Variants in CASZ1 observed in about 807,000 individuals in gnomAD.
The protein encoded by CASZ1 is zinc finger protein castor homolog 1.
CASZ1 carries 28 observed loss-of-function variants against 135.2 expected under a neutral mutation model. That is an observed-to-expected ratio of 0.21 (90% CI 0.15 to 0.28). CASZ1 has a LOEUF of 0.28. CASZ1 is among the 10% of genes least tolerant of loss of function. The pLI, the probability that CASZ1 is intolerant of heterozygous loss-of-function variation, is 1.00. For missense variants in CASZ1, 2,161 were observed against 2,453.3 expected, an observed-to-expected ratio of 0.88 and a Z score of 2.52; for synonymous variants, 1,068 against 1,073.4, an observed-to-expected ratio of 0.99 and a Z score of 0.10.
At chr1:10,783,055 C>A (rs369542644) in intron 1 of CASZ1, among the ~76,000 whole-genome samples, 6 of 152,160 alleles carry the variant, frequency 3.9e-5, no homozygotes, top group Admixed American at 2.6e-4. Flanking sequence ...ATGCAGGGGA[C>A]TTTTCAGCTT....
chr1:10,685,350 C>A (rs1638551920), intron 4 of CASZ1, among the ~76,000 whole-genome samples: 3 of 152,202 alleles, frequency 2.0e-5, no homozygotes, highest in African/African-American at 7.2e-5. Context: ...CCCCATGAAC[C>A]CGCTGGTGAC....
rs544583994 is a variant in CASZ1, at chr1:10,667,575, G to A, written c.17-2004C>T. On this transcript the variant is annotated intron_variant, in intron 4 of 20. Coordinates refer to ENST00000377022, the MANE Select transcript of CASZ1 (RefSeq NM_001079843.3). ...CTGCCCAGCAGGTTCTGTGACGCCGGGTGTCCTCCAACAGGCCTCCGGGGA... is the reference window on the plus strand; with the variant it reads ...CTGCCCAGCAGGTTCTGTGACGCCGAGTGTCCTCCAACAGGCCTCCGGGGA... 7.2e-5 allele frequency among the ~76,000 whole-genome samples: 11 copies of A among 152,298 alleles called. 2 individuals carry two copies. The highest frequency in any genetic ancestry group is 2.6e-4 in the African/African-American group (11 of 41,566).
At chr1:10,736,460 C>T (rs769851794) in intron 2 of CASZ1, among the ~76,000 whole-genome samples, 4 of 152,174 alleles carry the variant, frequency 2.6e-5, no homozygotes, top group African/African-American at 4.8e-5. Context: ...TGGATGGAGC[C>T]GGGCTTGTTG....
chr1:10,658,289 G>A (rs991962340), intron 7 of CASZ1: 6 of 547,542 alleles, frequency 1.1e-5, no homozygotes, highest in African/African-American at 5.7e-5. Context: ...ACAGGCTGCT[G>A]AGGGAATGTG....
intron 6 of CASZ1, 116 bp downstream of exon 6, chr1:10,659,586 G>T (rs1388443549): frequency 2.6e-6 from 2 of 776,872 alleles, no homozygotes; most frequent in Non-Finnish European, 4.4e-6. Context: ...CAGTGGATGT[G>T]TATAAGGTGT....
rs936056611 is a variant in CASZ1, at chr1:10,711,305, A to G, written c.-76-5761T>C. On this transcript the variant is annotated intron_variant, in intron 2 of 20. Coordinates refer to ENST00000377022, the MANE Select transcript of CASZ1 (RefSeq NM_001079843.3). The surrounding 1 kb of genome is among the most constrained non-coding windows in gnomAD (Gnocchi z 4.4). The stretch of plus-strand genomic sequence containing the variant: ...GCCCATGAGTACCTAGCTCAAAGGA[A>G]GTTCATTCAGTATTTCTTGGGCACC... Among the ~76,000 whole-genome samples the G allele has an allele frequency of 6.6e-6, 1 of 152,202 alleles. No individual in the cohort carries two copies. The highest frequency in any genetic ancestry group is 2.4e-5 in the African/African-American group (1 of 41,446).
chr1:10,733,651 G>A (rs1639743600), intron 2 of CASZ1, among the ~76,000 whole-genome samples: 1 of 152,320 alleles, frequency 6.6e-6, no homozygotes, highest in South Asian at 2.1e-4. Context: ...GCCCAACTCA[G>A]TCTCCACTAA....
At chr1:10,642,483 G>T (rs1642236681) in intron 20 of CASZ1, among the ~76,000 whole-genome samples, 1 of 152,114 alleles carries the variant, frequency 6.6e-6, no homozygotes, top group African/African-American at 2.4e-5. Flanking sequence ...AGAAGAAGGG[G>T]CAGGAGGAGA....
chr1:10,716,119 A>C (rs1442270776), intron 2 of CASZ1, among the ~76,000 whole-genome samples: 2 of 86,650 alleles, frequency 2.3e-5, no homozygotes, highest in African/African-American at 4.6e-5. Context: ...CCCAATCCAC[A>C]CCCCACAGCA....
chr1:10,761,486 G>A (rs1640373594), intron 1 of CASZ1, among the ~76,000 whole-genome samples: 1 of 152,186 alleles, frequency 6.6e-6, no homozygotes. Flanking sequence ...AGAAAAGAGG[G>A]TGTGGGCCCT....
chr1:10,789,363 C>T (rs992853888), intron 1 of CASZ1, among the ~76,000 whole-genome samples: 3 of 150,726 alleles, frequency 2.0e-5, no homozygotes, highest in African/African-American at 7.3e-5. Context: ...CTCTGCCTGC[C>T]CCCCGCACCC....
chr1:10,702,073 G>A lies in CASZ1; in HGVS notation c.-24+3419C>T, dbSNP rs1298394202. Among the ~76,000 whole-genome samples the A allele has an allele frequency of 7.2e-5, 11 of 152,296 alleles. No homozygotes were observed. In the East Asian group the frequency reaches 7.7e-4, roughly 11 times the overall value. ...AGATGGGAAATAGAGACTCCGAGACGTCCCCTACCAAGCACTCGAATCACA... is the reference window on the plus strand; with the variant it reads ...AGATGGGAAATAGAGACTCCGAGACATCCCCTACCAAGCACTCGAATCACA... On this transcript the variant is annotated intron_variant, in intron 3 of 20. Coordinates refer to ENST00000377022, the MANE Select transcript of CASZ1 (RefSeq NM_001079843.3).
At chr1:10,732,320 CAAAA>C (rs779997881) in intron 2 of CASZ1, among the ~76,000 whole-genome samples, 2 of 65,552 alleles carry the variant, frequency 3.1e-5, no homozygotes. Flanking sequence ...GACTCCGTCT[CAAAA>C]AAAAAAAAAA....
intron 2 of CASZ1, among the ~76,000 whole-genome samples, chr1:10,748,114 G>A (rs761498513): frequency 1.8e-4 from 28 of 152,188 alleles, no homozygotes; most frequent in South Asian, 4.2e-4. Flanking sequence ...CACTGCGCCC[G>A]GCCATGTGCT....
At position 10,647,867 on chromosome 1, in the gene CASZ1, A is replaced by G; in HGVS notation, c.3431T>C (p.Leu1144Ser). 6.2e-7 allele frequency: 1 copy of G among 1,613,892 alleles called. No individual in the cohort carries two copies. Among genetic ancestry groups the G allele is most frequent in the Non-Finnish European group, 8.5e-7 (1 of 1,179,994 alleles). The part of the protein sequence containing the change: ...ASVPHLPASP[L>S]ATTSLENAKP... ...GGCGTTCTCTAGAGAAGTCGTTGCC[A>G]AGGGCGAGGCGGGCAGGTGAGGCAC... Residue 1144 changes from leucine (L) to serine (S), a missense_variant, in exon 16 of 21, where the codon TTG becomes TCG. Physicochemically the swap from Leu to Ser is moderately radical, Grantham distance 145. This residue lies in a region of CASZ1 where 349 missense variants were observed against 460.8 expected (regional missense o/e 0.76). Transcript: ENST00000377022. This position sits in a 1 kb window ranked among gnomAD's most constrained non-coding sequence, Gnocchi z 4.9.
chr1:10,641,655 C>T (rs1412842329), intron 20 of CASZ1, among the ~76,000 whole-genome samples: 1 of 152,220 alleles, frequency 6.6e-6, no homozygotes, highest in African/African-American at 2.4e-5. Flanking sequence ...TCTATCTCTC[C>T]CTAGTGCCAG....
chr1:10,771,647 T>C (rs1476633525), intron 1 of CASZ1, among the ~76,000 whole-genome samples: 3 of 140,458 alleles, frequency 2.1e-5, no homozygotes, highest in African/African-American at 7.9e-5. Flanking sequence ...AATGAATTAA[T>C]TTCACCTCTT....
At position 10,767,097 on chromosome 1, in the gene CASZ1, T is replaced by C. The variant is rs183361417; in HGVS notation, c.-233-6240A>G. On this transcript the variant is annotated intron_variant, in intron 1 of 20. Transcript: ENST00000377022. The surrounding 1 kb of genome is among the most constrained non-coding windows in gnomAD (Gnocchi z 4.2). The stretch of plus-strand genomic sequence containing the variant: ...ATCCTCTGCGCCCGTTGACTGCTGA[T>C]GGAAGGAACGAGGAGTGGGGAAAAG... 2.0e-5 allele frequency among the ~76,000 whole-genome samples: 3 copies of C among 152,296 alleles called. No individual in the cohort carries two copies. The highest frequency in any genetic ancestry group is 6.5e-5 in the Admixed American group (1 of 15,306).
Position 10,665,520 on chromosome 1 carries a change from G to A in CASZ1, c.68C>T (p.Pro23Leu). 1.9e-6 allele frequency: 3 copies of A among 1,598,240 alleles called. No individual in the cohort carries two copies. Among genetic ancestry groups the A allele is most frequent in the Non-Finnish European group, 2.5e-6 (3 of 1,177,238 alleles). The part of the protein sequence containing the change: ...DPPAGKPAMA[P>L]KRKGGLKLNA... ...CAGCTTCAGGCCACCCTTGCGTTTGGGCGCCATGGCGGGCTTGCCTGCAGG... is the reference window on the plus strand; with the variant it reads ...CAGCTTCAGGCCACCCTTGCGTTTGAGCGCCATGGCGGGCTTGCCTGCAGG... The change falls in exon 5 of 21, where the codon CCC becomes CTC. Residue 23 changes from proline to leucine, a missense_variant. Physicochemically the swap from Pro to Leu is moderately conservative, Grantham distance 98. Transcript: ENST00000377022.
Sources: gnomAD v4.1 joint callset for allele counts (sites outside exome capture counted in the v4.1 genomes callset) on GRCh38, gnomAD v4.1.1 for gene constraint, gnomAD v4.1.1 regional missense constraint, Gnocchi (gnomAD v3.1) non-coding constraint, MANE v1.5 for transcripts, NCBI Gene and HGNC (gene_info 2026-07-23, HGNC 2026-07-21) for gene names.